The following GUK1 variants were observed in gnomAD, a reference collection of about 807,000 sequenced individuals.
GUK1 encodes the protein guanylate kinase.
GUK1 carries 18 observed loss-of-function variants against 25.2 expected under a neutral mutation model. The ratio of observed to expected loss-of-function variants is 0.71; its 90% CI spans 0.49 to 1.06. GUK1 has a LOEUF of 1.06. Among genes scored for constraint, GUK1 ranks in the 50% least tolerant of loss-of-function variants. The pLI is 0.00. For missense variants in GUK1, 261 were observed against 276.7 expected (o/e 0.94, Z 0.40); for synonymous variants, 105 against 117.6 (o/e 0.89, Z 0.69).
At chr1:228,145,818 T>C in intron 3 of GUK1, 194 bp downstream of exon 2, 1 of 726,116 alleles carries the variant, frequency 1.4e-6, no homozygotes, top group South Asian at 1.8e-5. Context: ...GTGTCTCCCT[T>C]CCCTGGGTCT....
At position 228,140,286 on chromosome 1, in the gene GUK1, G is replaced by T; in HGVS notation, c.-245G>T. On this transcript the variant is annotated 5_prime_UTR_variant, in exon 1 of 9. Transcript: ENST00000312726. Reference sequence around the variant, plus strand: ...GCGCTGTCACGTAGGTTCAGTGGGCGGAAGAGGTGGCCCCGGATGCTGCGG... The same window carrying T: ...GCGCTGTCACGTAGGTTCAGTGGGCTGAAGAGGTGGCCCCGGATGCTGCGG... 7.8e-6 allele frequency: 12 copies of T among 1,530,068 alleles called. No individual in the cohort carries two copies. Among genetic ancestry groups the T allele is most frequent in the Non-Finnish European group, 1.0e-5 (12 of 1,143,808 alleles). 94.8% of individuals were successfully genotyped at this position (1,530,068 alleles called of 1,614,324 possible).
At chr1:228,146,206 G>A in intron 4 of GUK1, 139 bp downstream of exon 3, 1 of 636,990 alleles carries the variant, frequency 1.6e-6, no homozygotes, top group Non-Finnish European at 2.9e-6. Context: ...GCCTCCAAGG[G>A]CCGGTGAACT....
At chr1:228,144,358 G>C (rs556654026) in intron 2 of GUK1, 3 of 152,438 alleles carry the variant, frequency 2.0e-5, no homozygotes, top group African/African-American at 7.2e-5. Flanking sequence ...CAAGGTGTGC[G>C]TGTGGCCAGG....
At position 228,148,280 on chromosome 1, in the gene GUK1, C is replaced by T. The variant is rs188099872; in HGVS notation, c.476-91C>T. The T allele has an allele frequency of 7.4e-4, 685 of 926,768 alleles. 2 individuals are homozygous for T. In the African/African-American group the frequency reaches 9.7e-3, roughly 13 times the overall value. The allele number at this position is 926,768 out of a possible 1,614,324, so 57.4% of individuals were successfully genotyped here. ...GTCCCACAGCCGCAGTGAGGACAGC[C>T]GCAGGCCAGTGGGCTGCTCTGGGGG... On this transcript the variant is annotated intron_variant, in intron 7 of 8. Coordinates refer to ENST00000312726, the MANE Select transcript of GUK1 (RefSeq NM_000858.7).
chr1:228,148,739 C>T lies in GUK1; in HGVS notation c.*42C>T. On this transcript the variant is annotated 3_prime_UTR_variant, in exon 9 of 9. Transcript: ENST00000312726. Reference sequence around the variant, plus strand: ...TCGGCACCCCGGGCCCATACAGGACCAGGGCAGCAGCATTGAGCCACCCCC... The same window carrying T: ...TCGGCACCCCGGGCCCATACAGGACTAGGGCAGCAGCATTGAGCCACCCCC... 6.2e-7 allele frequency: 1 copy of T among 1,611,064 alleles called. No homozygotes were observed. Among genetic ancestry groups the T allele is most frequent in the Non-Finnish European group, 8.5e-7 (1 of 1,179,690 alleles).
At chr1:228,145,450 A>C (rs768734736) in intron 2 of GUK1, 61 bp from the exon 2 acceptor site, 37 of 1,484,946 alleles carry the variant, frequency 2.5e-5, no homozygotes, top group Non-Finnish European at 2.9e-5. Context: ...AGGCAGAGGC[A>C]GCTCAGCAGA....
chr1:228,143,772 G>A (rs900382053), intron 2 of GUK1, among the ~76,000 whole-genome samples: 103 of 152,220 alleles, frequency 6.8e-4, no homozygotes, highest in African/African-American at 2.4e-3. Context: ...GGGGAGGCCC[G>A]AGCTAAGCGC....
At chr1:228,148,237 C>CG (rs2034509138) in intron 7 of GUK1, 134 bp from the exon 7 acceptor site, 1 of 743,136 alleles carries the variant, frequency 1.3e-6, no homozygotes, top group Non-Finnish European at 2.4e-6. Context: ...TGCACAGGCC[C>CG]GGCTGGGCTG....
At chr1:228,146,576 C>T (rs10916268) in intron 4 of GUK1, 292,818 of 505,880 alleles carry the variant, frequency 0.58, 87,076 homozygotes, top group South Asian at 0.68. Flanking sequence ...CCAGTCCCCA[C>T]CCCATCACCA....
rs766647458 is a variant in GUK1 at position 228,148,259 on chromosome 1, C to T, written c.476-112C>T. On this transcript the variant is annotated intron_variant, in intron 7 of 8. Coordinates refer to ENST00000312726, the MANE Select transcript of GUK1 (RefSeq NM_000858.7). ...GCCCGGCTGGGCTGGAAAGCTGTCC[C>T]ACAGCCGCAGTGAGGACAGCCGCAG... 8.5e-6 allele frequency: 7 copies of T among 820,860 alleles called. No homozygotes were observed. In the African/African-American group the frequency reaches 1.0e-4, roughly 12 times the overall value. The allele number at this position is 820,860 out of a possible 1,614,324, so 50.8% of individuals were successfully genotyped here.
rs117396502 is a variant in GUK1 at position 228,140,557 on chromosome 1, G to T, written c.-168+194G>T. ...GGGCTGGCAACGCAGCGGAGCCCGG[G>T]TCCCGGAGGGCGGGGCGCTCCTCAG... On this transcript the variant is annotated intron_variant, in intron 1 of 8. Coordinates refer to ENST00000312726, the MANE Select transcript of GUK1 (RefSeq NM_000858.7). Among the ~76,000 whole-genome samples the T allele has an allele frequency of 3.5e-3, 528 of 152,352 alleles. 24 individuals carry two copies. The East Asian group carries it at 0.086, about 25-fold the overall frequency.
In GUK1 at chr1:228,146,605, C is replaced by G. The variant is rs1393900633; in HGVS notation, c.155-237C>G. On this transcript the variant is annotated intron_variant, in intron 4 of 8. Transcript: ENST00000312726. ...ATCACCACCAACTCCCAACTCCCCA[C>G]TGGAACCCAGCAGTCTCGTATCTCC... 1.1e-5 allele frequency: 6 copies of G among 556,378 alleles called. No homozygotes were observed. In the Admixed American group the frequency reaches 1.2e-4, roughly 11 times the overall value. 34.5% of individuals were successfully genotyped at this position (556,378 alleles called of 1,614,324 possible).
At chr1:228,145,959 A>C in intron 3 of GUK1, 67 bp from the exon 3 acceptor site, 1 of 1,203,584 alleles carries the variant, frequency 8.3e-7, no homozygotes, top group Non-Finnish European at 1.2e-6. Flanking sequence ...TCGGGACTGC[A>C]AGGGAAACGC....
chr1:228,148,211 C>T (rs1323570862), intron 7 of GUK1, 160 bp from the exon 7 acceptor site: 3 of 700,940 alleles, frequency 4.3e-6, no homozygotes, highest in South Asian at 1.5e-5. Flanking sequence ...GCCCAGGGGG[C>T]GGCCCTTCCC....
upstream of GUK1, chr1:228,140,204 G>A: frequency 5.1e-6 from 5 of 972,112 alleles, no homozygotes; most frequent in Non-Finnish European, 7.7e-6. Context: ...TGAGACATGG[G>A]CGGGGCAGTC....
chr1:228,140,226 T>A, upstream of GUK1: 1 of 1,229,094 alleles, frequency 8.1e-7, no homozygotes, highest in South Asian at 1.3e-5. Context: ...CCTCATGACG[T>A]CAGTCTCGCG....
intron 2 of GUK1, chr1:228,144,819 G>A (rs2034279745): frequency 4.7e-6 from 3 of 642,468 alleles, no homozygotes; most frequent in East Asian, 1.4e-4. Context: ...CACCTGCCAC[G>A]TGTCCAAGCT....
intron 4 of GUK1, 150 bp downstream of exon 3, chr1:228,146,217 C>A: frequency 1.6e-6 from 1 of 621,860 alleles, no homozygotes; most frequent in Non-Finnish European, 2.9e-6. Context: ...CCGGTGAACT[C>A]AATCAGGGTG....
chr1:228,148,527 T>C (rs1436266235), intron 8 of GUK1, 71 bp downstream of exon 7: 3 of 1,379,524 alleles, frequency 2.2e-6, no homozygotes, highest in Non-Finnish European at 3.0e-6. Context: ...TTGTTGTCCA[T>C]GAGGCCACTG....
Sources: gnomAD v4.1 joint callset for allele counts (sites outside exome capture counted in the v4.1 genomes callset) on GRCh38, gnomAD v4.1.1 for gene constraint, MANE v1.5 for transcripts, NCBI Gene and HGNC (gene_info 2026-07-23, HGNC 2026-07-21) for gene names.